Variants in SQSTM1 observed in about 807,000 individuals in gnomAD.
SQSTM1 encodes the protein sequestosome-1.
SQSTM1 carries 36 observed loss-of-function variants against 45.1 expected under a neutral mutation model. The observed-to-expected ratio is 0.80, with a 90% CI of 0.61 to 1.05. The LOEUF (loss-of-function observed/expected upper bound fraction) is 1.05, where lower values mean the gene tolerates loss of function less well. SQSTM1 is among the 50% of genes least tolerant of loss of function. SQSTM1 has a pLI of 0.00. For missense variants in SQSTM1, 617 were observed against 607.1 expected, an observed-to-expected ratio of 1.02 and a Z score of -0.17; for synonymous variants, 290 against 244.3, an observed-to-expected ratio of 1.19 and a Z score of -1.74.
rs1388766416 is a variant in SQSTM1, at chr5:179,806,516, G to A, written c.-232G>A. ...CTGGCCGCTGAGTGCCGCGTACCAGGACAGCGAGAGGAAGGCGCACAGGCA... is the reference window on the plus strand; with the variant it reads ...CTGGCCGCTGAGTGCCGCGTACCAGAACAGCGAGAGGAAGGCGCACAGGCA... On this transcript the variant is annotated 5_prime_UTR_variant, in exon 1 of 6. Transcript: ENST00000514093. The surrounding 1 kb of genome is among the most constrained non-coding windows in gnomAD (Gnocchi z 4.6). The A allele has an allele frequency of 7.5e-7, 1 of 1,338,480 alleles. No homozygotes were observed. The highest frequency in any genetic ancestry group is 9.8e-7 in the Non-Finnish European group (1 of 1,019,566). The allele number at this position is 1,338,480 out of a possible 1,614,324, so 82.9% of individuals were successfully genotyped here. A position where few individuals can be genotyped will look rare whatever the true frequency, so the allele number is the denominator to read the frequency against.
chr5:179,827,096 TAG>T (rs889588612), intron 5 of SQSTM1, among the ~76,000 whole-genome samples: 1 of 152,106 alleles, frequency 6.6e-6, no homozygotes, highest in African/African-American at 2.4e-5. Context: ...TAGGTTCAGG[TAG>T]AGACTTTTAA....
intron 7 of SQSTM1, chr5:179,836,172 G>A (rs942428558): frequency 1.2e-5 from 7 of 579,790 alleles, no homozygotes; most frequent in South Asian, 4.1e-5. Context: ...CAGGTGAAAT[G>A]CCTATTTCAG....
rs1561605047 is a variant in SQSTM1 at position 179,833,017 on chromosome 5, C to A, written c.755-15C>A. 6.2e-7 allele frequency: 1 copy of A among 1,613,964 alleles called. No homozygotes were observed. The highest frequency in any genetic ancestry group is 2.2e-5 in the East Asian group (1 of 44,884). On this transcript the variant is annotated splice_polypyrimidine_tract_variant and intron_variant, in intron 5 of 7. Coordinates refer to ENST00000389805, the MANE Select transcript of SQSTM1 (RefSeq NM_003900.5). The stretch of plus-strand genomic sequence containing the variant: ...GGGGAACTTCACGGCTTGCTCTTTC[C>A]TCCTCCGCCTCTAGGCATTGAAGTT...
In SQSTM1 at chr5:179,826,487, C is replaced by T. The variant is rs146213681; in HGVS notation, c.754+1261C>T. Among the ~76,000 whole-genome samples, 15 of 151,944 alleles carry T rather than the reference C, an allele frequency of 9.9e-5. No individual in the cohort carries two copies. In the East Asian group the frequency reaches 1.7e-3, roughly 18 times the overall value. The stretch of plus-strand genomic sequence containing the variant: ...TGGCCTTGCTCATTCCACTTTGAGG[C>T]GGCAGTGACATCTTGGCATTGCTTC... On this transcript the variant is annotated intron_variant, in intron 5 of 7. Transcript: ENST00000389805.
Position 179,806,583 on chromosome 5 carries a change from TCTC to T in SQSTM1, c.-161_-159del, listed in dbSNP as rs1392086386. On this transcript the variant is annotated 5_prime_UTR_variant, in exon 1 of 6. Transcript: ENST00000514093. The surrounding 1 kb of genome is among the most constrained non-coding windows in gnomAD (Gnocchi z 4.6). ...AGGAAGGTGCCATTGCGGAGCCTCATCTCCTCGGGTGCGCGGCGGGCGCCCGCG... is the reference window on the plus strand; with the variant it reads ...AGGAAGGTGCCATTGCGGAGCCTCATCTCGGGTGCGCGGCGGGCGCCCGCG... 7 of 1,265,050 alleles carry T rather than the reference TCTC, an allele frequency of 5.5e-6. No homozygotes were observed. The highest frequency in any genetic ancestry group is 6.1e-6 in the Non-Finnish European group (6 of 976,786). The allele number at this position is 1,265,050 out of a possible 1,614,324, so 78.4% of individuals were successfully genotyped here.
chr5:179,823,510 A>G (rs1232314451), intron 2 of SQSTM1: 4 of 344,018 alleles, frequency 1.2e-5, no homozygotes, highest in African/African-American at 6.5e-5. Context: ...CTGACCTGAG[A>G]AAGAGGAGTC....
chr5:179,811,017 C>T (rs1490231015), intron 1 of SQSTM1, among the ~76,000 whole-genome samples: 6 of 152,040 alleles, frequency 3.9e-5, no homozygotes, highest in African/African-American at 7.3e-5. Context: ...CCGAGACGGG[C>T]GGATCACGAG....
In SQSTM1 at chr5:179,837,905, T is replaced by C. The variant is rs748507473; in HGVS notation, c.*1312T>C. 2.4e-5 allele frequency: 39 copies of C among 1,594,992 alleles called. No individual in the cohort carries two copies. The highest frequency in any genetic ancestry group is 3.3e-5 in the Non-Finnish European group (39 of 1,175,770). ...CTGTCCCTGAAAGAGAAGATGGCCATGCCCTCCATGTGTAAGAACAATGCC... is the reference window on the plus strand; with the variant it reads ...CTGTCCCTGAAAGAGAAGATGGCCACGCCCTCCATGTGTAAGAACAATGCC... On this transcript the variant is annotated 3_prime_UTR_variant, in exon 8 of 8. Coordinates refer to ENST00000389805, the MANE Select transcript of SQSTM1 (RefSeq NM_003900.5).
chr5:179,820,883 C>G (rs1477005521), upstream of SQSTM1: 1 of 1,418,720 alleles, frequency 7.0e-7, no homozygotes, highest in Non-Finnish European at 9.3e-7. Context: ...GCTACAAAAG[C>G]CGCGCGGCGG....
At chr5:179,827,535 C>T (rs1175651976) in intron 5 of SQSTM1, among the ~76,000 whole-genome samples, 2 of 152,232 alleles carry the variant, frequency 1.3e-5, no homozygotes, top group East Asian at 1.9e-4. Flanking sequence ...CCACCCGCCT[C>T]AGCCTCCCCA....
upstream of SQSTM1, chr5:179,818,735 C>T (rs1001579119): frequency 6.6e-6 from 1 of 152,624 alleles, no homozygotes; most frequent in African/African-American, 2.4e-5. Context: ...GGGGCATCGC[C>T]TGGGAGGGCA....
intron 4 of SQSTM1, 128 bp from the exon 5 acceptor site, chr5:179,825,018 T>A (rs140277876): frequency 1.6e-5 from 14 of 856,914 alleles, no homozygotes; most frequent in Non-Finnish European, 2.7e-5. Context: ...GCTGAGTGGG[T>A]CACTGGACAA....
chr5:179,830,912 A>G (rs1416989495), intron 5 of SQSTM1, among the ~76,000 whole-genome samples: 3 of 152,036 alleles, frequency 2.0e-5, no homozygotes, highest in African/African-American at 7.3e-5. Context: ...CATGCTGCCC[A>G]GGCCGATTTT....
chr5:179,813,079 G>C (rs956201510), intron 2 of SQSTM1: 3 of 151,204 alleles, frequency 2.0e-5, no homozygotes, highest in African/African-American at 7.3e-5. Flanking sequence ...GGGTGTCCCT[G>C]GCACAGTAAA....
intron 1 of SQSTM1, among the ~76,000 whole-genome samples, chr5:179,809,596 C>A (rs1393529639): frequency 4.7e-5 from 7 of 148,590 alleles, no homozygotes; most frequent in Non-Finnish European, 7.4e-5. Context: ...TTCAGCCTCC[C>A]AAAGTGCTGG....
upstream of SQSTM1, among the ~76,000 whole-genome samples, chr5:179,815,601 C>G (rs1233346468): frequency 6.6e-6 from 1 of 152,116 alleles, no homozygotes; most frequent in Non-Finnish European, 1.5e-5. Context: ...AGGATTCCCC[C>G]CTCCCCAAGG....
At chr5:179,811,294 A>G (rs1757387711) in intron 1 of SQSTM1, among the ~76,000 whole-genome samples, 1 of 148,086 alleles carries the variant, frequency 6.8e-6, no homozygotes, top group African/African-American at 2.5e-5. Context: ...AGAACTGGGT[A>G]GAGCCACAGA....
chr5:179,827,483 A>G (rs1171394327), intron 5 of SQSTM1, among the ~76,000 whole-genome samples: 1 of 151,642 alleles, frequency 6.6e-6, no homozygotes, highest in Non-Finnish European at 1.5e-5. Flanking sequence ...ACGGGGTTTC[A>G]CCTTGTTGGC....
rs751169837 is a variant in SQSTM1 at position 179,806,966 on chromosome 5, G to GCCTGGATCTGGGGCCTGGATCTGGGA, written c.-157+377_-157+378insTGGATCTGGGGCCTGGATCTGGGACC. ...CCTGGATCTGGGGCCTGGATCTGGG[G>GCCTGGATCTGGGGCCTGGATCTGGGA]CCGCCGCGGAGTCGACGGCGCAGGG... On this transcript the variant is annotated intron_variant, in intron 1 of 5. Transcript: ENST00000514093. The surrounding 1 kb of genome is among the most constrained non-coding windows in gnomAD (Gnocchi z 4.6). 6.6e-6 allele frequency: 1 copy of GCCTGGATCTGGGGCCTGGATCTGGGA among 150,912 alleles called. No homozygotes were observed. Among genetic ancestry groups the GCCTGGATCTGGGGCCTGGATCTGGGA allele is most frequent in the Non-Finnish European group, 1.5e-5 (1 of 67,614 alleles). 9.3% of individuals were successfully genotyped at this position (150,912 alleles called of 1,614,324 possible).
Sources: gnomAD v4.1 joint callset for allele counts (sites outside exome capture counted in the v4.1 genomes callset) on GRCh38, gnomAD v4.1.1 for gene constraint, Gnocchi (gnomAD v3.1) non-coding constraint, MANE v1.5 for transcripts, NCBI Gene and HGNC (gene_info 2026-07-23, HGNC 2026-07-21) for gene names.